The following JARID2 variants were observed in gnomAD, a reference collection of about 807,000 sequenced individuals.
JARID2 encodes protein Jumonji.
A neutral mutation model predicts 125.6 loss-of-function variants in JARID2; 21 were observed. That is an observed-to-expected ratio of 0.17 (90% CI 0.12 to 0.24). The LOEUF is 0.24. Among genes scored for constraint, JARID2 ranks in the 10% least tolerant of loss-of-function variants. The pLI is 1.00. For missense variants in JARID2, 1,303 were observed against 1,639.6 expected, an observed-to-expected ratio of 0.79 and a Z score of 3.55; for synonymous variants, 736 against 661.6, an observed-to-expected ratio of 1.11 and a Z score of -1.73.
intron 2 of JARID2, among the ~76,000 whole-genome samples, chr6:15,385,574 T>C (rs1439841731): frequency 6.6e-6 from 1 of 151,914 alleles, no homozygotes; most frequent in Non-Finnish European, 1.5e-5. Flanking sequence ...CTAATGTGTC[T>C]AGCCACATTA....
intron 1 of JARID2, among the ~76,000 whole-genome samples, chr6:15,260,187 C>T (rs1359172165): frequency 6.6e-6 from 1 of 152,042 alleles, no homozygotes; most frequent in African/African-American, 2.4e-5. Flanking sequence ...TCACTTTTTT[C>T]CACAGTGCAG....
intron 4 of JARID2, among the ~76,000 whole-genome samples, chr6:15,459,384 G>A (rs1171071934): frequency 6.6e-6 from 1 of 152,158 alleles, no homozygotes; most frequent in African/African-American, 2.4e-5. Context: ...TAAATGCTGT[G>A]TAAATTTGTT....
chr6:15,303,670 A>G (rs528876153), intron 1 of JARID2, among the ~76,000 whole-genome samples: 21 of 152,360 alleles, frequency 1.4e-4, no homozygotes, highest in African/African-American at 3.8e-4. Context: ...TGATTAAACA[A>G]TTTGGGAATG....
chr6:15,247,911 G>C (rs1375997339), intron 1 of JARID2: 1 of 985,342 alleles, frequency 1.0e-6, no homozygotes, highest in African/African-American at 1.7e-5. Context: ...TGTAGAAACT[G>C]CACTGAGGCA....
intron 3 of JARID2, among the ~76,000 whole-genome samples, chr6:15,445,621 G>C (rs1278453590): frequency 1.8e-4 from 28 of 152,194 alleles, no homozygotes; most frequent in Non-Finnish European, 4.4e-5. Context: ...GTATGTGGTG[G>C]TCTTGTTGCA....
intron 4 of JARID2, among the ~76,000 whole-genome samples, chr6:15,457,483 G>A (rs1768240355): frequency 6.6e-6 from 1 of 152,174 alleles, no homozygotes; most frequent in African/African-American, 2.4e-5. Context: ...ACTGTGAGGG[G>A]TAAAGAAGGC....
At chr6:15,436,692 C>T (rs1053602865) in intron 3 of JARID2, among the ~76,000 whole-genome samples, 1 of 152,128 alleles carries the variant, frequency 6.6e-6, no homozygotes, top group Non-Finnish European at 1.5e-5. Flanking sequence ...TCCCAGCACT[C>T]CTGTATCACT....
chr6:15,287,164 A>C (rs917416226), intron 1 of JARID2, among the ~76,000 whole-genome samples: 6 of 149,786 alleles, frequency 4.0e-5, no homozygotes, highest in African/African-American at 1.5e-4. Flanking sequence ...AACAAACAAA[A>C]AAACCCCTCT....
chr6:15,487,451 C>T lies in JARID2; in HGVS notation c.815C>T (p.Ala272Val), dbSNP rs1251378189. 6 of 1,614,230 alleles carry T rather than the reference C, an allele frequency of 3.7e-6. No homozygotes were observed. Among genetic ancestry groups the T allele is most frequent in the East Asian group, 2.2e-5 (1 of 44,888 alleles). Residue 272 changes from alanine to valine, a missense_variant, in exon 6 of 18, where the codon GCG (alanine) becomes GTG (valine). By Grantham distance (64) the Ala-to-Val change is moderately conservative. Around this residue, in one of 11 missense-constraint regions of JARID2, gnomAD observed 651 missense variants for 581.6 expected, o/e 1.12. Transcript: ENST00000341776. ...REQASANHPA[A>V]APSTGSSAKG... is the part of the protein sequence containing the mutation. ...CAGGCTTCAGCTAACCACCCCGCAGCGGCCCCCTCCACGGGTTCCTCGGCC... is the reference window on the plus strand; with the variant it reads ...CAGGCTTCAGCTAACCACCCCGCAGTGGCCCCCTCCACGGGTTCCTCGGCC...
At chr6:15,448,971 A>T (rs780780948) in intron 3 of JARID2, among the ~76,000 whole-genome samples, 19 of 144,528 alleles carry the variant, frequency 1.3e-4, no homozygotes, top group Admixed American at 3.5e-4. Context: ...TTATGTAATT[A>T]AAAAAAAAAA....
chr6:15,343,290 TAAA>T (rs5874510), intron 1 of JARID2, among the ~76,000 whole-genome samples: 1 of 138,714 alleles, frequency 7.2e-6, no homozygotes, highest in Non-Finnish European at 1.6e-5. Context: ...GTTAAGGATT[TAAA>T]AAAAAAAAAA....
chr6:15,248,912 G>A lies in JARID2; in HGVS notation c.45+2328G>A, dbSNP rs541548601. On this transcript the variant is annotated intron_variant, in intron 1 of 17. Transcript: ENST00000341776. ...TGCGGCGTGGGAGGAGGAAGAGGAG[G>A]AAGATGCGCTCGGCCTCTGCCTTCC... 103 of 985,708 alleles carry A rather than the reference G, an allele frequency of 1.0e-4. 2 individuals are homozygous for A. In the African/African-American group the frequency reaches 1.7e-3, roughly 16 times the overall value. The allele number at this position is 985,708 out of a possible 1,614,324, so 61.1% of individuals were successfully genotyped here.
At chr6:15,287,127 CAA>C (rs10714991) in intron 1 of JARID2, among the ~76,000 whole-genome samples, 1 of 151,148 alleles carries the variant, frequency 6.6e-6, no homozygotes, top group Non-Finnish European at 1.5e-5. Context: ...ACTCTCATCT[CAA>C]AAAAAAAGAA....
At position 15,250,989 on chromosome 6, in the gene JARID2, G is replaced by GT. The variant is rs555041539; in HGVS notation, c.45+4406dup. Among the ~76,000 whole-genome samples, 66 of 151,550 alleles carry GT rather than the reference G, an allele frequency of 4.4e-4. 1 individual carries two copies. The South Asian group carries it at 0.014, about 32-fold the overall frequency. ...AAAGCGTAGTTCGTTAAAACACTTG[G>GT]TGAAGGCTAACCTAGAGAGCATTTG... On this transcript the variant is annotated intron_variant, in intron 1 of 17. Transcript: ENST00000341776.
At chr6:15,390,602 T>G (rs531708752) in intron 2 of JARID2, among the ~76,000 whole-genome samples, 1 of 152,200 alleles carries the variant, frequency 6.6e-6, no homozygotes, top group African/African-American at 2.4e-5. Flanking sequence ...CCTGTCCTTT[T>G]GTGGGGGTAG....
chr6:15,367,210 TAGATGTA>T (rs1764012254), intron 1 of JARID2, among the ~76,000 whole-genome samples: 1 of 152,244 alleles, frequency 6.6e-6, no homozygotes, highest in Non-Finnish European at 1.5e-5. Context: ...CATTTTTAAA[TAGATGTA>T]ATTGTCAGAA....
intron 4 of JARID2, among the ~76,000 whole-genome samples, chr6:15,455,397 A>T (rs1306883839): frequency 6.6e-6 from 1 of 152,158 alleles, no homozygotes; most frequent in Non-Finnish European, 1.5e-5. Context: ...AGTGTTGGGA[A>T]CATTCAACAT....
intron 17 of JARID2, among the ~76,000 whole-genome samples, chr6:15,519,798 C>T (rs949549020): frequency 1.3e-5 from 2 of 152,206 alleles, no homozygotes; most frequent in Middle Eastern, 3.4e-3. Flanking sequence ...CTGGGCTCCC[C>T]TGCCAGCCCT....
chr6:15,267,413 G>C (rs578032804), intron 1 of JARID2, among the ~76,000 whole-genome samples: 2 of 152,144 alleles, frequency 1.3e-5, no homozygotes, highest in African/African-American at 2.4e-5. Flanking sequence ...TAACCAACTG[G>C]TTATAAACAG....
Sources: allele counts gnomAD v4.1 joint callset (sites outside exome capture counted in the v4.1 genomes callset), GRCh38; gene constraint gnomAD v4.1.1; regional missense constraint gnomAD v4.1.1; transcripts MANE v1.5; gene names NCBI Gene and HGNC (gene_info 2026-07-23, HGNC 2026-07-21).